The following VCP variants were observed in gnomAD, a reference collection of about 807,000 sequenced individuals.
VCP encodes transitional endoplasmic reticulum ATPase.
A neutral mutation model predicts 85.7 loss-of-function variants in VCP; 6 were observed. That is an observed-to-expected ratio of 0.07 (90% CI 0.04 to 0.14). VCP has a LOEUF of 0.14. VCP is among the 10% of genes least tolerant of loss of function. The probability of loss-of-function intolerance (pLI) is 1.00; values close to 1 mark genes in which losing one functional copy is unlikely to be tolerated. For missense variants in VCP, 353 were observed against 1,043.4 expected (o/e 0.34, Z 9.12); for synonymous variants, 384 against 367.1 (o/e 1.05, Z -0.53).
intron 15 of VCP, 191 bp from the exon 16 acceptor site, chr9:35,057,721 G>T: frequency 1.4e-6 from 1 of 704,984 alleles, no homozygotes; most frequent in Non-Finnish European, 2.5e-6. Flanking sequence ...CTGGAAAAGG[G>T]AAAACTGTAG....
chr9:35,063,094 C>G lies in VCP; in HGVS notation c.709-14G>C. 1 of 1,613,578 alleles carries G rather than the reference C, an allele frequency of 6.2e-7. No homozygotes were observed. The highest frequency in any genetic ancestry group is 1.1e-5 in the South Asian group (1 of 91,076). ...TCCTCTAGGAGGCTGTGGACCAATG[C>G]AGAGTGTGATTAGGTTCCCACCTTC... On this transcript the variant is annotated splice_polypyrimidine_tract_variant and intron_variant, in intron 6 of 16. Transcript: ENST00000358901.
intron 7 of VCP, 144 bp downstream of exon 7, chr9:35,062,834 C>G (rs996614656): frequency 1.2e-6 from 1 of 826,368 alleles, no homozygotes; most frequent in Admixed American, 1.8e-5. Flanking sequence ...GCTCTTCTGT[C>G]TGTAACATAC....
chr9:35,061,276 G>T, intron 10 of VCP, 97 bp from the exon 11 acceptor site: 2 of 1,533,252 alleles, frequency 1.3e-6, no homozygotes, highest in Non-Finnish European at 1.8e-6. Context: ...GCTATCCCTG[G>T]GTCCTCTCAT....
In VCP at chr9:35,059,537, C is replaced by T; in HGVS notation, c.1960G>A (p.Val654Ile). 3.1e-6 allele frequency: 5 copies of T among 1,614,182 alleles called. No homozygotes were observed. The South Asian group carries it at 4.4e-5, about 14-fold the overall frequency. ...YIPLPDEKSR[V>I]AILKANLRKS... is the part of the protein sequence containing the mutation. ...CGCAGGTTAGCCTTGAGGATGGCAACACGGGACTTCTCATCAGGAAGTGGG... is the reference window on the plus strand; with the variant it reads ...CGCAGGTTAGCCTTGAGGATGGCAATACGGGACTTCTCATCAGGAAGTGGG... The change falls in exon 14 of 17, where the codon GTT becomes ATT. Residue 654 changes from valine to isoleucine, a missense_variant. Transcript: ENST00000358901. The surrounding 1 kb of genome is among the most constrained non-coding windows in gnomAD (Gnocchi z 4.9).
chr9:35,064,969 C>A (rs1426205871), intron 5 of VCP, among the ~76,000 whole-genome samples: 1 of 152,114 alleles, frequency 6.6e-6, no homozygotes, highest in African/African-American at 2.4e-5. Context: ...CTGGGTTCAA[C>A]CGATTCTCCT....
At chr9:35,064,544 C>G (rs1475750320) in intron 5 of VCP, among the ~76,000 whole-genome samples, 1 of 152,160 alleles carries the variant, frequency 6.6e-6, no homozygotes, top group Non-Finnish European at 1.5e-5. Flanking sequence ...AAAAGATTCT[C>G]CTCTAAAGGG....
chr9:35,071,328 T>G (rs1828940054), intron 1 of VCP, among the ~76,000 whole-genome samples: 1 of 116,194 alleles, frequency 8.6e-6, no homozygotes. Context: ...TTTTTGCCTC[T>G]AAAAGCTCTC....
chr9:35,058,271 C>CCTTTTGCT (rs1828649429), intron 15 of VCP, among the ~76,000 whole-genome samples: 1 of 152,124 alleles, frequency 6.6e-6, no homozygotes, highest in Non-Finnish European at 1.5e-5. Context: ...GAAAGAAAGC[C>CCTTTTGCT]ATTTATTTGC....
At chr9:35,069,145 C>A (rs190729150) in intron 1 of VCP, among the ~76,000 whole-genome samples, 30 of 152,258 alleles carry the variant, frequency 2.0e-4, no homozygotes, top group Admixed American at 1.4e-3. Context: ...TAAAGACCAT[C>A]ATATTTGGAA....
At chr9:35,062,746 C>T (rs916826295) in intron 7 of VCP, among the ~76,000 whole-genome samples, 2 of 152,158 alleles carry the variant, frequency 1.3e-5, no homozygotes, top group African/African-American at 4.8e-5. Context: ...TAGCTTGCTC[C>T]CGCTCTGCAG....
intron 1 of VCP, 90 bp downstream of exon 1, chr9:35,072,247 G>C (rs1354129046): frequency 2.0e-6 from 3 of 1,468,490 alleles, no homozygotes; most frequent in East Asian, 2.9e-5. Flanking sequence ...CCTCTCTGAC[G>C]CGCCCACGGC....
intron 2 of VCP, 91 bp from the exon 3 acceptor site, chr9:35,068,154 C>T (rs1828870158): frequency 6.2e-7 from 1 of 1,606,426 alleles, no homozygotes; most frequent in South Asian, 1.1e-5. Context: ...AAACCCCACT[C>T]TATCTGCAGT....
At chr9:35,067,379 C>T (rs375277990) in intron 3 of VCP, among the ~76,000 whole-genome samples, 3 of 152,212 alleles carry the variant, frequency 2.0e-5, no homozygotes, top group African/African-American at 7.2e-5. Context: ...CAAGAACAAG[C>T]AAAATCACTC....
At position 35,066,760 on chromosome 9, in the gene VCP, A is replaced by G; in HGVS notation, c.360T>C (p.Asp120=). The change falls in exon 4 of 17, where the codon GAT becomes GAC. Residue 120 remains aspartate, a synonymous_variant. Transcript: ENST00000358901. ...YGKRIHVLPI[D]DTVEGITGNL... ...TACCAGTAATGCCTTCCACTGTGTC[A>G]TCAATGGGCAGCACATGGATACGTT... is the stretch of plus-strand genomic sequence containing the variant. 1 of 1,614,148 alleles carries G rather than the reference A, an allele frequency of 6.2e-7. No homozygotes were observed. Among genetic ancestry groups the G allele is most frequent in the Non-Finnish European group, 8.5e-7 (1 of 1,180,032 alleles).
intron 7 of VCP, 78 bp downstream of exon 7, chr9:35,062,899 TG>T: frequency 7.5e-7 from 1 of 1,334,462 alleles, no homozygotes; most frequent in African/African-American, 1.4e-5. Context: ...GCAAAAAGGA[TG>T]TGTTCATAAG....
chr9:35,064,037 C>T (rs1319995151), intron 6 of VCP, 117 bp downstream of exon 6: 3 of 1,533,316 alleles, frequency 2.0e-6, no homozygotes, highest in South Asian at 2.2e-5. Flanking sequence ...GTTATTGCCC[C>T]TCTAATCCAA....
chr9:35,065,688 C>T (rs1828814917), intron 4 of VCP, among the ~76,000 whole-genome samples: 1 of 152,154 alleles, frequency 6.6e-6, no homozygotes, highest in Non-Finnish European at 1.5e-5. Flanking sequence ...AATGGTAGAA[C>T]TGTGCACTCT....
chr9:35,061,261 T>C, intron 10 of VCP, 82 bp from the exon 11 acceptor site: 7 of 1,579,954 alleles, frequency 4.4e-6, no homozygotes, highest in Non-Finnish European at 5.2e-6. Flanking sequence ...ATCCTTCCCC[T>C]GACTGCTATC....
At chr9:35,061,919 G>C (rs1587123112) in intron 9 of VCP, 84 bp downstream of exon 9, 1 of 1,607,874 alleles carries the variant, frequency 6.2e-7, no homozygotes, top group Admixed American at 1.7e-5. Flanking sequence ...ACTGTGAAGG[G>C]CTTCAAGAGG....
Sources: allele counts gnomAD v4.1 joint callset (sites outside exome capture counted in the v4.1 genomes callset), GRCh38; gene constraint gnomAD v4.1.1; non-coding constraint Gnocchi (gnomAD v3.1); transcripts MANE v1.5; gene names NCBI Gene and HGNC (gene_info 2026-07-23, HGNC 2026-07-21).